Variants in FOXK2 observed in about 807,000 individuals in gnomAD.
FOXK2 encodes forkhead box K2.
In FOXK2, 24 loss-of-function variants were observed where a neutral mutation model predicts 53.3. The ratio of observed to expected loss-of-function variants is 0.45; its 90% CI spans 0.33 to 0.63. The LOEUF (loss-of-function observed/expected upper bound fraction) is 0.63, where lower values mean the gene tolerates loss of function less well. Among genes scored for constraint, FOXK2 ranks in the 30% least tolerant of loss-of-function variants. The pLI is 0.03. For missense variants in FOXK2, 952 were observed against 910.5 expected (o/e 1.05, Z -0.59); for synonymous variants, 505 against 407.1 (o/e 1.24, Z -2.89).
intron 5 of FOXK2, among the ~76,000 whole-genome samples, chr17:82,583,636 C>CTAATTTAAACTAAATT (rs2045093190): frequency 1.4e-5 from 2 of 142,190 alleles, no homozygotes; most frequent in Non-Finnish European, 3.0e-5. Context: ...TTATTTTTAG[C>CTAATTTAAACTAAATT]TTCACTAATA....
At chr17:82,556,985 G>A (rs1189136013) in intron 1 of FOXK2, among the ~76,000 whole-genome samples, 2 of 151,616 alleles carry the variant, frequency 1.3e-5, no homozygotes, top group Non-Finnish European at 2.9e-5. Flanking sequence ...TGACAGGCGT[G>A]AGCCACCGTG....
In FOXK2 at chr17:82,601,645, C is replaced by T. The variant is rs779657233; in HGVS notation, c.*146C>T. Reference sequence around the variant, plus strand: ...ACCCAAAACCCAGCTGGCCTTAACACTCCTTAAAGACAGAAGTCACACTTG... The same window carrying T: ...ACCCAAAACCCAGCTGGCCTTAACATTCCTTAAAGACAGAAGTCACACTTG... On this transcript the variant is annotated 3_prime_UTR_variant, in exon 9 of 9. Transcript: ENST00000335255. 31 of 716,258 alleles carry T rather than the reference C, an allele frequency of 4.3e-5. No homozygotes were observed. The Middle Eastern group carries it at 1.1e-3, about 27-fold the overall frequency. The allele number at this position is 716,258 out of a possible 1,614,324, so 44.4% of individuals were successfully genotyped here. A position where few individuals can be genotyped will look rare whatever the true frequency, so the allele number is the denominator to read the frequency against.
At chr17:82,539,182 G>A (rs560087657) in intron 1 of FOXK2, among the ~76,000 whole-genome samples, 16 of 151,648 alleles carry the variant, frequency 1.1e-4, no homozygotes, top group Non-Finnish European at 1.5e-4. Flanking sequence ...AGCACTGTAA[G>A]GTGGCCGGGC....
At chr17:82,543,404 CT>C (rs994466051) in intron 1 of FOXK2, among the ~76,000 whole-genome samples, 39 of 152,240 alleles carry the variant, frequency 2.6e-4, no homozygotes, top group African/African-American at 9.1e-4. Flanking sequence ...ATGAAGGCTT[CT>C]TTTAAGGGGC....
chr17:82,587,979 C>G (rs2045210102), intron 8 of FOXK2, among the ~76,000 whole-genome samples: 1 of 152,178 alleles, frequency 6.6e-6, no homozygotes, highest in Non-Finnish European at 1.5e-5. Context: ...AAAACTGTCT[C>G]TGTGCCCACG....
chr17:82,519,742 G>A lies in FOXK2; in HGVS notation c.-147G>A. 1 of 176,800 alleles carries A rather than the reference G, an allele frequency of 5.7e-6. No homozygotes were observed. Among genetic ancestry groups the A allele is most frequent in the Non-Finnish European group, 1.1e-5 (1 of 93,862 alleles). The allele number at this position is 176,800 out of a possible 1,614,324, so 11.0% of individuals were successfully genotyped here. A position where few individuals can be genotyped will look rare whatever the true frequency, so the allele number is the denominator to read the frequency against. On this transcript the variant is annotated 5_prime_UTR_variant, in exon 1 of 9. Transcript: ENST00000335255. ...GCCGCGCGTGCTCCCGCCCCTCGCC[G>A]CCGCTCGCTCGCTCGCCGGCCGGCG...
intron 7 of FOXK2, 79 bp from the exon 8 acceptor site, chr17:82,586,984 G>T: frequency 7.6e-7 from 1 of 1,308,282 alleles, no homozygotes; most frequent in Non-Finnish European, 1.1e-6. Context: ...ATAGCTATCT[G>T]GTTATTATGT....
chr17:82,542,224 C>T (rs542914551), intron 1 of FOXK2, among the ~76,000 whole-genome samples: 10 of 149,610 alleles, frequency 6.7e-5, no homozygotes, highest in East Asian at 2.0e-4. Context: ...TGCAATGGTG[C>T]GATCTCGGCT....
At chr17:82,526,000 A>G (rs2044415357) in intron 1 of FOXK2, among the ~76,000 whole-genome samples, 1 of 152,222 alleles carries the variant, frequency 6.6e-6, no homozygotes, top group African/African-American at 2.4e-5. Context: ...TGTGGCATGA[A>G]TCCCTCACTT....
chr17:82,583,292 C>T (rs771505150), intron 5 of FOXK2, among the ~76,000 whole-genome samples: 15 of 152,248 alleles, frequency 9.9e-5, no homozygotes, highest in Admixed American at 2.0e-4. Flanking sequence ...CGCCTGTAAT[C>T]CCAGCATTTT....
chr17:82,540,407 A>G (rs1005180586), intron 1 of FOXK2, among the ~76,000 whole-genome samples: 2 of 151,986 alleles, frequency 1.3e-5, no homozygotes, highest in African/African-American at 4.8e-5. Context: ...TTCCTGCACG[A>G]TTGTTGTTTG....
At chr17:82,596,012 G>C in intron 8 of FOXK2, 2 of 1,156,226 alleles carry the variant, frequency 1.7e-6, no homozygotes, top group South Asian at 1.7e-5. Flanking sequence ...CTGGAAACCA[G>C]AGTCACACTG....
chr17:82,571,600 CA>C (rs996261064), intron 3 of FOXK2, 123 bp from the exon 4 acceptor site: 198 of 1,047,576 alleles, frequency 1.9e-4, no homozygotes, highest in South Asian at 3.6e-4. Flanking sequence ...GACTCTGTCT[CA>C]AAAAAAAGAC....
At chr17:82,530,043 C>A (rs1029418775) in intron 1 of FOXK2, among the ~76,000 whole-genome samples, 3 of 152,164 alleles carry the variant, frequency 2.0e-5, no homozygotes, top group Non-Finnish European at 4.4e-5. Flanking sequence ...CCTGGTTCCA[C>A]TGGAGAATGA....
chr17:82,532,201 A>G (rs1052049705), intron 1 of FOXK2, among the ~76,000 whole-genome samples: 21 of 151,064 alleles, frequency 1.4e-4, no homozygotes, highest in African/African-American at 3.4e-4. Flanking sequence ...CTGCAGTGCA[A>G]TGGCGCGTTC....
intron 1 of FOXK2, among the ~76,000 whole-genome samples, chr17:82,553,221 C>G (rs947125673): frequency 6.6e-6 from 1 of 152,256 alleles, no homozygotes; most frequent in Admixed American, 6.5e-5. Flanking sequence ...CAGGCGTGAG[C>G]CACCGTGCCC....
intron 8 of FOXK2, chr17:82,588,452 T>A (rs751979675): frequency 2.1e-4 from 22 of 102,674 alleles, no homozygotes; most frequent in African/African-American, 6.6e-4. Flanking sequence ...GTTGGAGGGC[T>A]GGCGGTTGGA....
intron 8 of FOXK2, among the ~76,000 whole-genome samples, chr17:82,594,536 G>A: frequency 6.7e-6 from 1 of 149,578 alleles, no homozygotes; most frequent in East Asian, 2.0e-4. Flanking sequence ...ACTTCAGTTT[G>A]AAAATATTGG....
chr17:82,569,997 C>T (rs992575766), intron 3 of FOXK2, among the ~76,000 whole-genome samples: 23 of 152,140 alleles, frequency 1.5e-4, no homozygotes, highest in East Asian at 5.8e-4. Flanking sequence ...CCAAGGTGGG[C>T]GGATCACGAG....
Sources: gnomAD v4.1 joint callset for allele counts (sites outside exome capture counted in the v4.1 genomes callset) on GRCh38, gnomAD v4.1.1 for gene constraint, MANE v1.5 for transcripts, NCBI Gene and HGNC (gene_info 2026-07-23, HGNC 2026-07-21) for gene names.